Variants in CRIM1 observed in about 807,000 individuals in gnomAD.
The protein encoded by CRIM1 is cysteine rich transmembrane BMP regulator 1, also known as cysteine-rich motor neuron 1 protein.
CRIM1 carries 32 observed loss-of-function variants against 116.4 expected under a neutral mutation model. That is an observed-to-expected ratio of 0.27 (90% CI 0.21 to 0.37). The LOEUF (loss-of-function observed/expected upper bound fraction) is 0.37, where lower values mean the gene tolerates loss of function less well. Ranked by LOEUF, CRIM1 falls within the 10% of genes least tolerant of loss-of-function variation. The pLI is 1.00. For synonymous variants in CRIM1, 590 were observed against 509.2 expected (o/e 1.16, Z -2.13); for missense variants, 1,331 against 1,354.8 (o/e 0.98, Z 0.28).
rs756853852 is a variant in CRIM1, at chr2:36,365,736, G to GTTTT, written c.331+9126_331+9129dup. ...GAACAGAACTATGAACTATGTTTGT[G>GTTTT]TTTTTTTTTTTTTTTTGAGACAGAG... On this transcript the variant is annotated intron_variant, in intron 1 of 16. Transcript: ENST00000280527. Among the ~76,000 whole-genome samples the GTTTT allele has an allele frequency of 5.7e-3, 791 of 137,600 alleles. 13 individuals are homozygous for GTTTT. Among genetic ancestry groups the GTTTT allele is most frequent in the African/African-American group, 0.014 (539 of 37,276 alleles). 90.3% of individuals were successfully genotyped at this position (137,600 alleles called of 152,430 possible).
chr2:36,389,520 C>T (rs1305282195), intron 1 of CRIM1, among the ~76,000 whole-genome samples: 1 of 152,134 alleles, frequency 6.6e-6, no homozygotes, highest in Non-Finnish European at 1.5e-5. Context: ...TTACTGTGAG[C>T]TTCTGCGTGT....
Position 36,369,437 on chromosome 2 carries a change from T to G in CRIM1, c.331+12814T>G, listed in dbSNP as rs565180336. Among the ~76,000 whole-genome samples, 41 of 152,324 alleles carry G rather than the reference T, an allele frequency of 2.7e-4. 1 individual carries two copies. The South Asian group carries it at 7.5e-3, about 28-fold the overall frequency. On this transcript the variant is annotated intron_variant, in intron 1 of 16. Transcript: ENST00000280527. ...CAGCAAGGATGAGTGCACACAGCTT[T>G]CCAGCTACTGGGCAACCCAGCCATT...
chr2:36,443,882 G>A (rs1329575233), intron 4 of CRIM1, among the ~76,000 whole-genome samples: 2 of 152,116 alleles, frequency 1.3e-5, no homozygotes, highest in African/African-American at 2.4e-5. Context: ...CCTTTATACT[G>A]TATTATAAAA....
intron 8 of CRIM1, among the ~76,000 whole-genome samples, chr2:36,501,052 G>A (rs141939662): frequency 4.9e-4 from 74 of 152,228 alleles, no homozygotes; most frequent in African/African-American, 1.7e-3. Context: ...TTTCAGTTGT[G>A]AATGTCAATT....
chr2:36,507,691 G>A (rs1681528527), intron 8 of CRIM1, among the ~76,000 whole-genome samples: 1 of 152,170 alleles, frequency 6.6e-6, no homozygotes. Flanking sequence ...GCCTTTGTTT[G>A]AAATTCCATT....
intron 4 of CRIM1, among the ~76,000 whole-genome samples, chr2:36,443,222 A>T (rs903354768): frequency 6.6e-5 from 10 of 152,192 alleles, no homozygotes; most frequent in African/African-American, 2.4e-4. Flanking sequence ...GCTTTCTGGA[A>T]TAACAAACAC....
At chr2:36,380,604 AG>A (rs1670671482) in intron 1 of CRIM1, among the ~76,000 whole-genome samples, 1 of 152,214 alleles carries the variant, frequency 6.6e-6, no homozygotes, top group Non-Finnish European at 1.5e-5. Flanking sequence ...ACATAAAGAA[AG>A]TTTGGGAGAC....
At position 36,393,633 on chromosome 2, in the gene CRIM1, G is replaced by A. The variant is rs578090446; in HGVS notation, c.332-2981G>A. ...GATGTTTGCGGGAGCATAGAGGATG[G>A]AGCAGCTTATTCTCCTGGGGCAGGT... On this transcript the variant is annotated intron_variant, in intron 1 of 16. Transcript: ENST00000280527. Among the ~76,000 whole-genome samples the A allele has an allele frequency of 1.1e-4, 17 of 152,284 alleles. No homozygotes were observed. In the East Asian group the frequency reaches 2.5e-3, roughly 22 times the overall value.
chr2:36,543,536 G>A (rs570712529), intron 14 of CRIM1, among the ~76,000 whole-genome samples: 3 of 152,150 alleles, frequency 2.0e-5, no homozygotes, highest in Non-Finnish European at 4.4e-5. Context: ...GGATCTGCCC[G>A]AAAGGAAATA....
At chr2:36,487,811 A>T (rs11888819) in intron 7 of CRIM1, among the ~76,000 whole-genome samples, 2 of 151,918 alleles carry the variant, frequency 1.3e-5, no homozygotes, top group African/African-American at 4.8e-5. Flanking sequence ...AAAAAAATCA[A>T]TTCACCTACT....
intron 7 of CRIM1, among the ~76,000 whole-genome samples, chr2:36,498,387 T>G (rs1680752500): frequency 6.6e-6 from 1 of 152,160 alleles, no homozygotes; most frequent in Non-Finnish European, 1.5e-5. Context: ...ATCTGTAAAT[T>G]GAGGATAATA....
At chr2:36,403,387 G>A (rs1223107644) in intron 2 of CRIM1, among the ~76,000 whole-genome samples, 1 of 152,190 alleles carries the variant, frequency 6.6e-6, no homozygotes, top group Admixed American at 6.5e-5. Flanking sequence ...ATTGGCGTGT[G>A]ATACTATACA....
At chr2:36,408,710 T>C (rs1043610170) in intron 2 of CRIM1, among the ~76,000 whole-genome samples, 1 of 152,064 alleles carries the variant, frequency 6.6e-6, no homozygotes, top group South Asian at 2.1e-4. Flanking sequence ...CGTTAGTTAG[T>C]GTAATTAGTA....
chr2:36,393,627 A>T (rs1671791401), intron 1 of CRIM1, among the ~76,000 whole-genome samples: 5 of 152,162 alleles, frequency 3.3e-5, no homozygotes, highest in African/African-American at 1.2e-4. Flanking sequence ...GGGAGCATAG[A>T]GGATGGAGCA....
chr2:36,390,385 G>A (rs3770939), intron 1 of CRIM1, among the ~76,000 whole-genome samples: 34,397 of 152,132 alleles, frequency 0.23, 4,099 homozygotes, highest in South Asian at 0.32. Context: ...TGGCCCAGGT[G>A]AGCTGTCCCT....
chr2:36,442,806 G>T, intron 4 of CRIM1, 71 bp downstream of exon 4: 18 of 1,581,884 alleles, frequency 1.1e-5, no homozygotes, highest in Non-Finnish European at 1.6e-5. Flanking sequence ...TTTTGAGCAT[G>T]CAGTTTGTTT....
In CRIM1 at chr2:36,437,085, A is replaced by C. The variant is rs192302218; in HGVS notation, c.506-4173A>C. On this transcript the variant is annotated intron_variant, in intron 2 of 16. Transcript: ENST00000280527. ...ATGAACCAAGCATTAATCTTAAAAC[A>C]CTAGAGGAGGCTGGGCACGGTGGCG... is the stretch of plus-strand genomic sequence containing the variant. Among the ~76,000 whole-genome samples the C allele has an allele frequency of 1.4e-3, 220 of 152,342 alleles. 1 individual carries two copies. The highest frequency in any genetic ancestry group is 2.6e-3 in the Non-Finnish European group (176 of 68,026).
At chr2:36,539,156 G>A (rs1666765443) in intron 14 of CRIM1, among the ~76,000 whole-genome samples, 2 of 152,136 alleles carry the variant, frequency 1.3e-5, no homozygotes, top group African/African-American at 4.8e-5. Context: ...GGGGAGAAGT[G>A]GGGCAGGCAG....
chr2:36,508,390 TAGTTA>T (rs1681578571), intron 8 of CRIM1, among the ~76,000 whole-genome samples: 1 of 152,224 alleles, frequency 6.6e-6, no homozygotes, highest in Non-Finnish European at 1.5e-5. Flanking sequence ...CTATTCATTG[TAGTTA>T]AGTTTTAATT....
Sources: gnomAD v4.1 joint callset for allele counts (sites outside exome capture counted in the v4.1 genomes callset) on GRCh38, gnomAD v4.1.1 for gene constraint, MANE v1.5 for transcripts, NCBI Gene and HGNC (gene_info 2026-07-23, HGNC 2026-07-21) for gene names.